The following UBXN10 variants were observed in gnomAD, a reference collection of about 807,000 sequenced individuals.
The protein encoded by UBXN10 is UBX domain protein 10.
UBXN10 carries 6 observed loss-of-function variants against 6.9 expected under a neutral mutation model. The observed-to-expected ratio is 0.87, with a 90% confidence interval of 0.48 to 1.72. The LOEUF (loss-of-function observed/expected upper bound fraction) is 1.72, where lower values mean the gene tolerates loss of function less well. Ranked by LOEUF, UBXN10 falls within the 40% of genes most tolerant of loss-of-function variation. The probability of loss-of-function intolerance (pLI) is 0.01; values close to 1 mark genes in which losing one functional copy is unlikely to be tolerated. For missense variants in UBXN10, 317 were observed against 348.4 expected, an observed-to-expected ratio of 0.91 and a Z score of 0.72; for synonymous variants, 131 against 135.2, an observed-to-expected ratio of 0.97 and a Z score of 0.21.
Position 20,190,717 on chromosome 1 carries a change from A to T in UBXN10, c.156A>T (p.Lys52Asn). 6.2e-7 allele frequency: 1 copy of T among 1,614,052 alleles called. No individual in the cohort carries two copies. The highest frequency in any genetic ancestry group is 8.5e-7 in the Non-Finnish European group (1 of 1,180,024). ...AKGRTRPSLQ[K>N]SQGVEVCAHH... ...GACGGACAAGACCGAGTCTGCAGAA[A>T]TCCCAGGGCGTGGAGGTGTGCGCTC... The change falls in exon 2 of 2, where the codon AAA becomes AAT. Residue 52 changes from lysine to asparagine, a missense_variant. By Grantham distance (94) the Lys-to-Asn change is moderately conservative. Coordinates refer to ENST00000375099, the MANE Select transcript of UBXN10 (RefSeq NM_152376.5).
Position 20,190,882 on chromosome 1 carries a change from T to C in UBXN10, c.321T>C (p.Ala107=). Reference sequence around the variant, plus strand: ...TGCAGCAGCAAGTACCCACTGGGGCTTCCTCTTCTCTCAATAAGTATCCAG... The same window carrying C: ...TGCAGCAGCAAGTACCCACTGGGGCCTCCTCTTCTCTCAATAAGTATCCAG... ...PELQQQVPTG[A]SSSLNKYPVL... is the part of the protein sequence containing the mutation. The change falls in exon 2 of 2, where the codon GCT becomes GCC. Residue 107 remains alanine, a synonymous_variant. Coordinates refer to ENST00000375099, the MANE Select transcript of UBXN10 (RefSeq NM_152376.5). 3.1e-6 allele frequency: 5 copies of C among 1,614,112 alleles called. No homozygotes were observed. Among genetic ancestry groups the C allele is most frequent in the Non-Finnish European group, 4.2e-6 (5 of 1,180,032 alleles).
At chr1:20,188,252 C>T (rs2100732991) in intron 1 of UBXN10, among the ~76,000 whole-genome samples, 1 of 152,264 alleles carries the variant, frequency 6.6e-6, no homozygotes, top group Non-Finnish European at 1.5e-5. Flanking sequence ...AAGGAGAAGG[C>T]TCCTGAGCTA....
rs1012745699 is a variant in UBXN10 at position 20,187,506 on chromosome 1, G to A, written c.-16+1353G>A. Reference sequence around the variant, plus strand: ...TCCCCAAACACCTGTTTCCCCCACCGCCCATCCCTGTGTGATGGGTGCTGG... The same window carrying A: ...TCCCCAAACACCTGTTTCCCCCACCACCCATCCCTGTGTGATGGGTGCTGG... On this transcript the variant is annotated intron_variant, in intron 1 of 1. Coordinates refer to ENST00000375099, the MANE Select transcript of UBXN10 (RefSeq NM_152376.5). This position sits in a 1 kb window ranked among gnomAD's most constrained non-coding sequence, Gnocchi z 4.6. 1.3e-5 allele frequency among the ~76,000 whole-genome samples: 2 copies of A among 152,076 alleles called. No homozygotes were observed. Among genetic ancestry groups the A allele is most frequent in the African/African-American group, 2.4e-5 (1 of 41,454 alleles).
chr1:20,191,103 A>G lies in UBXN10; in HGVS notation c.542A>G (p.Gln181Arg). ...ERKFIVRTKK[Q>R]GSSRAGNLEE... is the part of the protein sequence containing the mutation. ...AAATTCATCGTCCGAACCAAGAAAC[A>G]GGGCTCTTCCAGGGCTGGAAATCTG... Residue 181 changes from glutamine to arginine, a missense_variant, in exon 2 of 2, where the codon CAG becomes CGG. Transcript: ENST00000375099. This position sits in a 1 kb window ranked among gnomAD's most constrained non-coding sequence, Gnocchi z 4.5. 9.3e-6 allele frequency: 15 copies of G among 1,614,180 alleles called. No homozygotes were observed. The highest frequency in any genetic ancestry group is 1.3e-5 in the Non-Finnish European group (15 of 1,180,020).
intron 1 of UBXN10, among the ~76,000 whole-genome samples, chr1:20,188,767 C>T (rs770071646): frequency 1.3e-5 from 2 of 152,170 alleles, no homozygotes; most frequent in Admixed American, 1.3e-4. Flanking sequence ...AGTTTCAGGA[C>T]TCACCCAGCT....
rs778164852 is a variant in UBXN10 at position 20,191,208 on chromosome 1, G to A, written c.647G>A (p.Arg216Gln). The A allele has an allele frequency of 4.3e-6, 7 of 1,614,000 alleles. No homozygotes were observed. Among genetic ancestry groups the A allele is most frequent in the East Asian group, 4.5e-5 (2 of 44,894 alleles). Residue 216 changes from arginine to glutamine, a missense_variant, in exon 2 of 2, where the codon CGG becomes CAG. Physicochemically the swap from Arg to Gln is conservative, Grantham distance 43. Transcript: ENST00000375099. This position sits in a 1 kb window ranked among gnomAD's most constrained non-coding sequence, Gnocchi z 4.5. ...PTGQRFVRHF[R>Q]PTDDLQTIVA... ...GGCCAAAGGTTTGTACGCCATTTCC[G>A]GCCAACAGATGATTTGCAAACCATT...
In UBXN10 at chr1:20,193,157, A is replaced by G. The variant is rs1378383816; in HGVS notation, c.*1753A>G. ...TCACTTCCCACCAGGACTTGAGCACATAACTCTATGTCTGATCTAGGAGGC... is the reference window on the plus strand; with the variant it reads ...TCACTTCCCACCAGGACTTGAGCACGTAACTCTATGTCTGATCTAGGAGGC... On this transcript the variant is annotated 3_prime_UTR_variant, in exon 2 of 2. Coordinates refer to ENST00000375099, the MANE Select transcript of UBXN10 (RefSeq NM_152376.5). 1 of 167,082 alleles carries G rather than the reference A, an allele frequency of 6.0e-6. No homozygotes were observed. The allele number at this position is 167,082 out of a possible 1,614,324, so 10.3% of individuals were successfully genotyped here.
intron 1 of UBXN10, among the ~76,000 whole-genome samples, chr1:20,186,728 A>T (rs1434664662): frequency 6.6e-6 from 1 of 152,122 alleles, no homozygotes; most frequent in African/African-American, 2.4e-5. Context: ...ACATTTGATC[A>T]CTTGGTGGCT....
At position 20,191,149 on chromosome 1, in the gene UBXN10, A is replaced by C; in HGVS notation, c.588A>C (p.Glu196Asp). 1 of 1,614,202 alleles carries C rather than the reference A, an allele frequency of 6.2e-7. No individual in the cohort carries two copies. Among genetic ancestry groups the C allele is most frequent in the Admixed American group, 1.7e-5 (1 of 60,026 alleles). The change falls in exon 2 of 2, where the codon GAA becomes GAC. Residue 196 changes from glutamate (E) to aspartate (D), a missense_variant. Transcript: ENST00000375099. The surrounding 1 kb of genome is among the most constrained non-coding windows in gnomAD (Gnocchi z 4.5). ...ATCTGGAGGAACCATCGGACCAAGA[A>C]CCAAGGTTGCTGCTTGCTGTTAGAT... ...AGNLEEPSDQEPRLLLAVRSP... is the reference protein window; with the variant it reads ...AGNLEEPSDQDPRLLLAVRSP...
In UBXN10 at chr1:20,194,553, A is replaced by T. The variant is rs1317062607; in HGVS notation, c.*3149A>T. The T allele has an allele frequency of 6.0e-6, 1 of 167,098 alleles. No homozygotes were observed. Among genetic ancestry groups the T allele is most frequent in the African/African-American group, 2.4e-5 (1 of 41,468 alleles). 10.4% of individuals were successfully genotyped at this position (167,098 alleles called of 1,614,324 possible). Reference sequence around the variant, plus strand: ...GAGCAGCCTTGGGGCATTCATTCCAATTAATAACCTTAAAGACTAGAGCCA... The same window carrying T: ...GAGCAGCCTTGGGGCATTCATTCCATTTAATAACCTTAAAGACTAGAGCCA... On this transcript the variant is annotated 3_prime_UTR_variant, in exon 2 of 2. Coordinates refer to ENST00000375099, the MANE Select transcript of UBXN10 (RefSeq NM_152376.5).
intron 1 of UBXN10, among the ~76,000 whole-genome samples, chr1:20,188,207 A>C (rs915592942): frequency 6.6e-6 from 1 of 152,232 alleles, no homozygotes; most frequent in Non-Finnish European, 1.5e-5. Context: ...ATTAACAAGG[A>C]GATGGGCAGT....
intron 1 of UBXN10, among the ~76,000 whole-genome samples, chr1:20,188,641 G>A (rs551517109): frequency 6.6e-6 from 1 of 152,340 alleles, no homozygotes; most frequent in South Asian, 2.1e-4. Context: ...TGTGGAATTA[G>A]AAGAGAAGTG....
At chr1:20,189,795 G>T (rs2100734323) in intron 1 of UBXN10, among the ~76,000 whole-genome samples, 1 of 152,330 alleles carries the variant, frequency 6.6e-6, no homozygotes, top group East Asian at 1.9e-4. Context: ...TACAGAATGT[G>T]ATGTGCTGGG....
At chr1:20,188,301 G>A (rs1329576477) in intron 1 of UBXN10, among the ~76,000 whole-genome samples, 2 of 152,212 alleles carry the variant, frequency 1.3e-5, no homozygotes, top group African/African-American at 4.8e-5. Flanking sequence ...AGGGAGAAGT[G>A]GAAAATGGGA....
At chr1:20,184,498 G>A (rs2018332658), upstream of UBXN10, 1 of 152,226 alleles carries the variant, frequency 6.6e-6, no homozygotes, top group South Asian at 2.1e-4. Context: ...GCAACCCAAA[G>A]AAGAGGCCTG....
chr1:20,191,598 CTTCCAGCTG>C lies in UBXN10; in HGVS notation c.*200_*208del. 1 of 798,102 alleles carries C rather than the reference CTTCCAGCTG, an allele frequency of 1.3e-6. No individual in the cohort carries two copies. The highest frequency in any genetic ancestry group is 2.8e-5 in the East Asian group (1 of 35,186). 49.4% of individuals were successfully genotyped at this position (798,102 alleles called of 1,614,324 possible). On this transcript the variant is annotated 3_prime_UTR_variant, in exon 2 of 2. Coordinates refer to ENST00000375099, the MANE Select transcript of UBXN10 (RefSeq NM_152376.5). The surrounding 1 kb of genome is among the most constrained non-coding windows in gnomAD (Gnocchi z 4.5). Reference sequence around the variant, plus strand: ...ATGCCGAGCGCGCTAAGAAGTCTCCCTTCCAGCTGTTCCATTCTCTCCACCACCAGCGTA... The same window carrying C: ...ATGCCGAGCGCGCTAAGAAGTCTCCCTTCCATTCTCTCCACCACCAGCGTA...
chr1:20,189,393 G>A (rs1016583650), intron 1 of UBXN10, among the ~76,000 whole-genome samples: 1 of 152,120 alleles, frequency 6.6e-6, no homozygotes, highest in Non-Finnish European at 1.5e-5. Context: ...AGGAGGTGCT[G>A]GTAGTAGTGT....
rs202204684 is a variant in UBXN10, at chr1:20,195,739, AG to A, written c.*4336del. The A allele has an allele frequency of 1.8e-3, 303 of 167,244 alleles. 1 individual carries two copies. The highest frequency in any genetic ancestry group is 7.0e-3 in the African/African-American group (292 of 41,582). 10.4% of individuals were successfully genotyped at this position (167,244 alleles called of 1,614,324 possible). On this transcript the variant is annotated 3_prime_UTR_variant, in exon 2 of 2. Transcript: ENST00000375099. Reference sequence around the variant, plus strand: ...GGACAAAGTGTACAGAGAAAATCAAAGCTATTCATTGTTTTAATTAAGAGAT... The same window carrying A: ...GGACAAAGTGTACAGAGAAAATCAAACTATTCATTGTTTTAATTAAGAGAT...
chr1:20,190,047 A>AT (rs1259052847), intron 1 of UBXN10, among the ~76,000 whole-genome samples: 2 of 152,250 alleles, frequency 1.3e-5, no homozygotes, highest in Admixed American at 6.5e-5. Context: ...TGAACTAAGA[A>AT]TAGCTTTCAC....
Sources: allele counts gnomAD v4.1 joint callset (sites outside exome capture counted in the v4.1 genomes callset), GRCh38; gene constraint gnomAD v4.1.1; non-coding constraint Gnocchi (gnomAD v3.1); transcripts MANE v1.5; gene names NCBI Gene and HGNC (gene_info 2026-07-23, HGNC 2026-07-21).